The following PLEKHH2 variants were observed in gnomAD, a reference collection of about 807,000 sequenced individuals.
The protein encoded by PLEKHH2 is pleckstrin homology domain-containing family H member 2.
PLEKHH2 carries 129 observed loss-of-function variants against 187.9 expected under a neutral mutation model. The observed-to-expected ratio is 0.69, with a 90% CI of 0.59 to 0.79. The LOEUF is 0.79. Among genes scored for constraint, PLEKHH2 ranks in the 30% least tolerant of loss-of-function variants. The pLI is 0.00. For missense variants in PLEKHH2, 2,076 were observed against 1,751.2 expected, an observed-to-expected ratio of 1.19 and a Z score of -3.31; for synonymous variants, 686 against 605.6, an observed-to-expected ratio of 1.13 and a Z score of -1.95.
intron 18 of PLEKHH2, among the ~76,000 whole-genome samples, chr2:43,730,670 A>G (rs559982199): frequency 1.6e-4 from 24 of 152,340 alleles, no homozygotes; most frequent in Non-Finnish European, 2.6e-4. Context: ...AAGTGCTGGC[A>G]TTACAGGCAT....
chr2:43,764,388 AC>A, intron 29 of PLEKHH2, 23 bp downstream of exon 29: 1 of 1,608,756 alleles, frequency 6.2e-7, no homozygotes, highest in South Asian at 1.1e-5. Context: ...CTTTCTGCCA[AC>A]TTTTTTGTCC....
intron 13 of PLEKHH2, 48 bp downstream of exon 13, chr2:43,710,378 A>C (rs369851723): frequency 2.5e-6 from 4 of 1,594,938 alleles, no homozygotes; most frequent in Non-Finnish European, 3.4e-6. Context: ...TCAAACTATA[A>C]ATCAGACGCC....
At chr2:43,732,898 G>C (rs1177043665) in intron 19 of PLEKHH2, among the ~76,000 whole-genome samples, 1 of 152,198 alleles carries the variant, frequency 6.6e-6, no homozygotes, top group Non-Finnish European at 1.5e-5. Flanking sequence ...CATGTAGTCT[G>C]ACGCCAATAA....
chr2:43,691,315 G>A (rs756732038), intron 3 of PLEKHH2, among the ~76,000 whole-genome samples: 1 of 152,336 alleles, frequency 6.6e-6, no homozygotes, highest in African/African-American at 2.4e-5. Context: ...CCCCCCACCC[G>A]AAGCAGGAGA....
intron 9 of PLEKHH2, among the ~76,000 whole-genome samples, chr2:43,705,456 C>G (rs1669613361): frequency 6.6e-6 from 1 of 151,694 alleles, no homozygotes; most frequent in Non-Finnish European, 1.5e-5. Flanking sequence ...GGGGGTCTCA[C>G]TGTGTTGCCC....
At chr2:43,750,248 G>A (rs1456800707) in intron 24 of PLEKHH2, among the ~76,000 whole-genome samples, 1 of 152,206 alleles carries the variant, frequency 6.6e-6, no homozygotes, top group African/African-American at 2.4e-5. Flanking sequence ...TAGGCAGGCG[G>A]ATCACCTGAG....
At chr2:43,736,116 A>C (rs909308845) in intron 19 of PLEKHH2, among the ~76,000 whole-genome samples, 1 of 152,186 alleles carries the variant, frequency 6.6e-6, no homozygotes, top group Non-Finnish European at 1.5e-5. Flanking sequence ...TTAGGCAATA[A>C]ATGAAAATAT....
At chr2:43,657,860 T>C (rs1241631884) in intron 2 of PLEKHH2, among the ~76,000 whole-genome samples, 2 of 152,208 alleles carry the variant, frequency 1.3e-5, no homozygotes, top group East Asian at 1.9e-4. Context: ...TAATTATTTA[T>C]ATTACCTGTG....
At chr2:43,647,469 C>T (rs1271983064) in intron 2 of PLEKHH2, among the ~76,000 whole-genome samples, 1 of 152,150 alleles carries the variant, frequency 6.6e-6, no homozygotes, top group Admixed American at 6.5e-5. Context: ...TCCTTGCCTT[C>T]TCTGATATAT....
At chr2:43,640,108 A>C (rs1193149583) in intron 1 of PLEKHH2, among the ~76,000 whole-genome samples, 1 of 152,204 alleles carries the variant, frequency 6.6e-6, no homozygotes, top group Non-Finnish European at 1.5e-5. Flanking sequence ...ATCCCTTGGC[A>C]TATGACCCAG....
intron 3 of PLEKHH2, among the ~76,000 whole-genome samples, chr2:43,684,487 A>T (rs1668395880): frequency 6.6e-6 from 1 of 152,178 alleles, no homozygotes; most frequent in Non-Finnish European, 1.5e-5. Context: ...TGAAAATTAA[A>T]CTAAATTAAG....
At chr2:43,658,082 T>C (rs1162193492) in intron 2 of PLEKHH2, among the ~76,000 whole-genome samples, 1 of 152,238 alleles carries the variant, frequency 6.6e-6, no homozygotes, top group Non-Finnish European at 1.5e-5. Context: ...CTTTGTATTA[T>C]TATCTTGAGC....
intron 2 of PLEKHH2, among the ~76,000 whole-genome samples, chr2:43,678,187 G>A: frequency 6.6e-6 from 1 of 151,818 alleles, no homozygotes; most frequent in Non-Finnish European, 1.5e-5. Context: ...CTTCCTAGAT[G>A]GGATGGCGGC....
chr2:43,657,059 C>T (rs879556159), intron 2 of PLEKHH2, among the ~76,000 whole-genome samples: 2 of 151,844 alleles, frequency 1.3e-5, no homozygotes, highest in Non-Finnish European at 2.9e-5. Context: ...ACAAAAAAAC[C>T]TTAGTGGCTT....
intron 2 of PLEKHH2, among the ~76,000 whole-genome samples, chr2:43,652,404 C>G (rs776595584): frequency 2.0e-5 from 3 of 152,158 alleles, no homozygotes; most frequent in African/African-American, 7.2e-5. Context: ...CTAGGCTATG[C>G]TATCCAGAAC....
At chr2:43,657,790 G>A (rs1000251907) in intron 2 of PLEKHH2, among the ~76,000 whole-genome samples, 9 of 152,194 alleles carry the variant, frequency 5.9e-5, no homozygotes, top group African/African-American at 2.2e-4. Context: ...ATCTCTAAAT[G>A]TATTCCCAGT....
rs115915543 is a variant in PLEKHH2 at position 43,752,057 on chromosome 2, G to C, written c.3654-1562G>C. ...CCATTTGGTTCTTTTTCTCCCCTTA[G>C]CCATATTACCAAACCTTCCAGTGGT... On this transcript the variant is annotated intron_variant, in intron 24 of 29. Transcript: ENST00000282406. Among the ~76,000 whole-genome samples, 406 of 151,636 alleles carry C rather than the reference G, an allele frequency of 2.7e-3. 1 individual carries two copies. Among genetic ancestry groups the C allele is most frequent in the African/African-American group, 9.4e-3 (388 of 41,354 alleles).
intron 2 of PLEKHH2, among the ~76,000 whole-genome samples, chr2:43,653,762 G>A (rs1413625593): frequency 2.0e-5 from 3 of 152,174 alleles, no homozygotes; most frequent in African/African-American, 4.8e-5. Context: ...TTACACAGTG[G>A]TGGGAATTTG....
At chr2:43,671,623 G>T (rs1667502740) in intron 2 of PLEKHH2, among the ~76,000 whole-genome samples, 2 of 152,158 alleles carry the variant, frequency 1.3e-5, no homozygotes, top group South Asian at 4.1e-4. Context: ...TTAGGTATCA[G>T]AAATTCCTTG....
Sources: gnomAD v4.1 joint callset for allele counts (sites outside exome capture counted in the v4.1 genomes callset) on GRCh38, gnomAD v4.1.1 for gene constraint, MANE v1.5 for transcripts, NCBI Gene and HGNC (gene_info 2026-07-23, HGNC 2026-07-21) for gene names.